ADK: variants seen among roughly 807,000 people sequenced by gnomAD.
ADK encodes N6,N6-dimethyladenosine kinase.
In ADK, 24 loss-of-function variants were observed where a neutral mutation model predicts 44.7. The observed-to-expected ratio is 0.54, with a 90% CI of 0.39 to 0.76. The LOEUF (loss-of-function observed/expected upper bound fraction) is 0.76, where lower values mean the gene tolerates loss of function less well. Among genes scored for constraint, ADK ranks in the 30% least tolerant of loss-of-function variants. The pLI is 0.00. For synonymous variants in ADK, 128 were observed against 142.6 expected (o/e 0.90, Z 0.73); for missense variants, 321 against 425.1 (o/e 0.76, Z 2.15).
intron 10 of ADK, among the ~76,000 whole-genome samples, chr10:74,693,685 G>C (rs1856070260): frequency 6.6e-6 from 1 of 152,188 alleles, no homozygotes; most frequent in African/African-American, 2.4e-5. Context: ...ATTTGGGAAA[G>C]AAAGGTTGTG....
chr10:74,350,019 G>C (rs1433584932), intron 4 of ADK, among the ~76,000 whole-genome samples: 1 of 152,124 alleles, frequency 6.6e-6, no homozygotes, highest in Non-Finnish European at 1.5e-5. Flanking sequence ...AAATTAACAA[G>C]GTTATTCAGG....
intron 6 of ADK, among the ~76,000 whole-genome samples, chr10:74,469,086 C>T (rs1846463842): frequency 6.6e-6 from 1 of 152,030 alleles, no homozygotes; most frequent in Non-Finnish European, 1.5e-5. Context: ...ACCTGTAATC[C>T]CAGCACTCTG....
chr10:74,514,551 G>T (rs1469586327), intron 6 of ADK, among the ~76,000 whole-genome samples: 1 of 150,534 alleles, frequency 6.6e-6, no homozygotes, highest in Non-Finnish European at 1.5e-5. Flanking sequence ...GCTCTTTATT[G>T]TATTTTTTAT....
At chr10:74,398,401 G>A in intron 5 of ADK, 70 bp from the exon 6 acceptor site, 1 of 969,808 alleles carries the variant, frequency 1.0e-6, no homozygotes, top group South Asian at 1.8e-5. Flanking sequence ...AAAAAATATT[G>A]GTAATTATCT....
chr10:74,592,816 A>G (rs1851768181), intron 8 of ADK, among the ~76,000 whole-genome samples: 1 of 152,180 alleles, frequency 6.6e-6, no homozygotes, highest in South Asian at 2.1e-4. Flanking sequence ...TTAAATTAGG[A>G]TTAATTAAAA....
chr10:74,347,945 C>T (rs941715574), intron 4 of ADK, among the ~76,000 whole-genome samples: 2 of 152,152 alleles, frequency 1.3e-5, no homozygotes. Flanking sequence ...ACTCCCATCT[C>T]CCTGGGACAG....
At chr10:74,528,129 G>T in intron 7 of ADK, 3 of 1,060,872 alleles carry the variant, frequency 2.8e-6, no homozygotes, top group Non-Finnish European at 4.2e-6. Context: ...TGTCATGATC[G>T]AACAAACCTG....
chr10:74,572,974 T>G (rs187399930), intron 7 of ADK, among the ~76,000 whole-genome samples: 2,097 of 152,332 alleles, frequency 0.014, 58 homozygotes, highest in African/African-American at 0.045. Flanking sequence ...CGGAGTAGTT[T>G]GATCATCTGA....
At chr10:74,232,904 G>A (rs1180013101) in intron 3 of ADK, among the ~76,000 whole-genome samples, 2 of 152,152 alleles carry the variant, frequency 1.3e-5, no homozygotes, top group Admixed American at 6.5e-5. Context: ...GATTACAGGC[G>A]TAAGCCACCG....
chr10:74,276,828 T>C (rs1272525340), intron 3 of ADK, among the ~76,000 whole-genome samples: 1 of 151,840 alleles, frequency 6.6e-6, no homozygotes, highest in Non-Finnish European at 1.5e-5. Flanking sequence ...TTTAAATTGA[T>C]CTCTTTTGTA....
chr10:74,547,464 TTA>T (rs1335383520), intron 7 of ADK, among the ~76,000 whole-genome samples: 108 of 126,014 alleles, frequency 8.6e-4, no homozygotes, highest in Middle Eastern at 9.1e-3. Flanking sequence ...ATTTATTTAT[TTA>T]TTTATTTTTA....
At chr10:74,258,264 T>C (rs1845900440) in intron 3 of ADK, among the ~76,000 whole-genome samples, 1 of 152,192 alleles carries the variant, frequency 6.6e-6, no homozygotes, top group African/African-American at 2.4e-5. Flanking sequence ...ACTAATAGTG[T>C]AATTTCTTGG....
At chr10:74,269,005 A>G (rs1846322374) in intron 3 of ADK, among the ~76,000 whole-genome samples, 1 of 152,346 alleles carries the variant, frequency 6.6e-6, no homozygotes, top group African/African-American at 2.4e-5. Flanking sequence ...AAGATGAATG[A>G]TTAAGTATGG....
intron 7 of ADK, among the ~76,000 whole-genome samples, chr10:74,571,318 G>A (rs1252117978): frequency 6.6e-6 from 1 of 152,160 alleles, no homozygotes; most frequent in African/African-American, 2.4e-5. Flanking sequence ...GAGTTAGGGA[G>A]GATTCCCTCT....
intron 10 of ADK, among the ~76,000 whole-genome samples, chr10:74,686,738 A>G (rs1301614380): frequency 1.3e-5 from 2 of 151,968 alleles, no homozygotes; most frequent in African/African-American, 4.8e-5. Context: ...GTGCAGTGGC[A>G]TGATCTCGGC....
chr10:74,525,850 T>G (rs970423331), intron 7 of ADK, among the ~76,000 whole-genome samples: 6 of 152,090 alleles, frequency 3.9e-5, no homozygotes, highest in Non-Finnish European at 8.8e-5. Flanking sequence ...AGACAGGGTT[T>G]CACCATGTTG....
At position 74,531,965 on chromosome 10, in the gene ADK, G is replaced by A. The variant is rs567859005; in HGVS notation, c.726+6539G>A. Among the ~76,000 whole-genome samples, 4 of 152,252 alleles carry A rather than the reference G, an allele frequency of 2.6e-5. No homozygotes were observed. In the South Asian group the frequency reaches 8.3e-4, roughly 32 times the overall value. ...GCATTACCTTCATACCAAAAACAAA[G>A]TATTGCAAGAAAACTACAGACCAAT... On this transcript the variant is annotated intron_variant, in intron 7 of 10. Transcript: ENST00000539909.
At chr10:74,556,152 G>A (rs1454386570) in intron 7 of ADK, among the ~76,000 whole-genome samples, 4 of 151,978 alleles carry the variant, frequency 2.6e-5, no homozygotes, top group Non-Finnish European at 5.9e-5. Flanking sequence ...TTGCAGCTCC[G>A]GGGCAGCAAT....
chr10:74,594,198 T>C (rs1446519529), intron 8 of ADK, among the ~76,000 whole-genome samples: 1 of 146,790 alleles, frequency 6.8e-6, no homozygotes, highest in Non-Finnish European at 1.5e-5. Context: ...GGGTGGGGGG[T>C]TGGGGAGGGA....
Sources: gnomAD v4.1 joint callset for allele counts (sites outside exome capture counted in the v4.1 genomes callset) on GRCh38, gnomAD v4.1.1 for gene constraint, MANE v1.5 for transcripts, NCBI Gene and HGNC (gene_info 2026-07-23, HGNC 2026-07-21) for gene names.